ATRN: variants seen among roughly 807,000 people sequenced by gnomAD.
ATRN encodes the protein attractin.
Under a neutral mutation model 178.7 loss-of-function variants are expected in ATRN, and 54 were observed. The ratio of observed to expected loss-of-function variants is 0.30; its 90% CI spans 0.24 to 0.38. ATRN has a LOEUF of 0.38. ATRN is among the 10% of genes least tolerant of loss of function. ATRN has a pLI of 1.00. For missense variants in ATRN, 1,443 were observed against 1,815.1 expected (o/e 0.79, Z 3.73); for synonymous variants, 636 against 663.0 (o/e 0.96, Z 0.63).
chr20:3,570,070 CA>C (rs796676311), intron 11 of ATRN, among the ~76,000 whole-genome samples: 6,089 of 132,304 alleles, frequency 0.046, 134 homozygotes, highest in Non-Finnish European at 0.064. Context: ...GACTCTAACT[CA>C]AAAAAAAAAA....
intron 19 of ATRN, 95 bp from the exon 20 acceptor site, chr20:3,594,384 T>C: frequency 1.1e-6 from 1 of 914,502 alleles, no homozygotes. Context: ...CCTACTGAAC[T>C]CAATTCAGAT....
chr20:3,503,980 CT>C (rs1358392833), intron 1 of ATRN, among the ~76,000 whole-genome samples: 1 of 152,092 alleles, frequency 6.6e-6, no homozygotes, highest in Non-Finnish European at 1.5e-5. Context: ...GATGCATTAC[CT>C]ATAGGGAACA....
chr20:3,632,463 G>T lies in ATRN; in HGVS notation c.3864-1848G>T, dbSNP rs1261856956. ...ACTCCAAACATGCTGGCCTCCTGAGGCTCCCCAAGCCATCCCAGGCACGGC... is the reference window on the plus strand; with the variant it reads ...ACTCCAAACATGCTGGCCTCCTGAGTCTCCCCAAGCCATCCCAGGCACGGC... On this transcript the variant is annotated intron_variant, in intron 25 of 28. Coordinates refer to ENST00000262919, the MANE Select transcript of ATRN (RefSeq NM_139321.3). The surrounding 1 kb of genome is among the most constrained non-coding windows in gnomAD (Gnocchi z 4.2). 6.6e-6 allele frequency among the ~76,000 whole-genome samples: 1 copy of T among 152,074 alleles called. No homozygotes were observed. The highest frequency in any genetic ancestry group is 6.6e-5 in the Admixed American group (1 of 15,262).
chr20:3,624,322 G>A (rs1188399730), intron 24 of ATRN, among the ~76,000 whole-genome samples, 189 bp from the exon 25 acceptor site: 2 of 152,228 alleles, frequency 1.3e-5, no homozygotes, highest in African/African-American at 4.8e-5. Flanking sequence ...AAGCCTCAGT[G>A]TATTGCTATG....
At chr20:3,554,157 T>A (rs1337984407) in intron 6 of ATRN, among the ~76,000 whole-genome samples, 3 of 151,042 alleles carry the variant, frequency 2.0e-5, no homozygotes, top group African/African-American at 7.3e-5. Flanking sequence ...AGATCATAAC[T>A]TTTTTTTTCT....
intron 9 of ATRN, among the ~76,000 whole-genome samples, chr20:3,562,736 G>A (rs2085973143): frequency 6.6e-6 from 1 of 152,172 alleles, no homozygotes; most frequent in African/African-American, 2.4e-5. Context: ...TAATTATAAA[G>A]CGATGGTTTC....
chr20:3,536,202 T>A (rs1025972545), intron 2 of ATRN, among the ~76,000 whole-genome samples: 9 of 151,996 alleles, frequency 5.9e-5, no homozygotes, highest in African/African-American at 2.2e-4. Context: ...TAAGTTTATT[T>A]ATTATTTATT....
At chr20:3,526,188 C>A (rs1176775007) in intron 1 of ATRN, among the ~76,000 whole-genome samples, 2 of 152,144 alleles carry the variant, frequency 1.3e-5, no homozygotes, top group Admixed American at 1.3e-4. Flanking sequence ...AGCTGATAAG[C>A]AACTTCAGCA....
rs780140690 is a variant in ATRN at position 3,547,323 on chromosome 20, G to A, written c.777G>A (p.Glu259=). ...MCPNNCSGRG[E]CKISNSSDTV... ...CAAATAACTGCTCAGGCCGAGGAGAGTGTAAGATCAGTAATAGCAGCGATA... is the reference window on the plus strand; with the variant it reads ...CAAATAACTGCTCAGGCCGAGGAGAATGTAAGATCAGTAATAGCAGCGATA... Residue 259 remains glutamate (E), a synonymous_variant, in exon 5 of 29, where the codon GAG becomes GAA. Coordinates refer to ENST00000262919, the MANE Select transcript of ATRN (RefSeq NM_139321.3). 21 of 1,614,018 alleles carry A rather than the reference G, an allele frequency of 1.3e-5. No individual in the cohort carries two copies. Among genetic ancestry groups the A allele is most frequent in the Non-Finnish European group, 1.6e-5 (19 of 1,180,008 alleles).
At chr20:3,491,404 T>C (rs1018247051) in intron 1 of ATRN, among the ~76,000 whole-genome samples, 1 of 152,204 alleles carries the variant, frequency 6.6e-6, no homozygotes, top group Non-Finnish European at 1.5e-5. Context: ...GTTTCACTGC[T>C]TCCTTTTTGA....
At chr20:3,491,044 T>C in intron 1 of ATRN, 1 of 1,038,342 alleles carries the variant, frequency 9.6e-7, no homozygotes, top group Non-Finnish European at 1.5e-6. Flanking sequence ...ATTTTATGAT[T>C]AGTTGTTTGC....
At chr20:3,542,536 A>C (rs1242741798) in intron 3 of ATRN, among the ~76,000 whole-genome samples, 2 of 150,206 alleles carry the variant, frequency 1.3e-5, no homozygotes, top group African/African-American at 4.9e-5. Flanking sequence ...TGTGATCTAG[A>C]GGAACCCTTC....
At chr20:3,552,838 A>C (rs2085808920) in intron 6 of ATRN, among the ~76,000 whole-genome samples, 1 of 152,164 alleles carries the variant, frequency 6.6e-6, no homozygotes, top group African/African-American at 2.4e-5. Flanking sequence ...CAGTTCCTAG[A>C]GGCCACCCAG....
At chr20:3,497,709 G>A (rs894777145) in intron 1 of ATRN, among the ~76,000 whole-genome samples, 1 of 152,080 alleles carries the variant, frequency 6.6e-6, no homozygotes, top group African/African-American at 2.4e-5. Flanking sequence ...ATGTTGGCCT[G>A]CCTTGCTAGA....
chr20:3,588,912 G>A (rs1600135196), intron 18 of ATRN, among the ~76,000 whole-genome samples: 1 of 145,392 alleles, frequency 6.9e-6, no homozygotes, highest in Non-Finnish European at 1.5e-5. Context: ...TTGGTAATCT[G>A]TTTTTCTAGG....
intron 15 of ATRN, among the ~76,000 whole-genome samples, chr20:3,581,042 G>C (rs2086276193): frequency 6.6e-6 from 1 of 152,096 alleles, no homozygotes; most frequent in Admixed American, 6.5e-5. Flanking sequence ...AGGAGTTCAA[G>C]ACTAGCCTGG....
intron 2 of ATRN, among the ~76,000 whole-genome samples, chr20:3,539,700 T>C (rs1040938004): frequency 6.6e-6 from 1 of 152,112 alleles, no homozygotes; most frequent in Non-Finnish European, 1.5e-5. Context: ...TGGTGTGGTA[T>C]AGAAGTTTGG....
chr20:3,607,685 T>TA (rs2086694247), intron 24 of ATRN, among the ~76,000 whole-genome samples: 1 of 152,236 alleles, frequency 6.6e-6, no homozygotes. Flanking sequence ...GATAAACATT[T>TA]AGAGCATGCA....
At position 3,609,464 on chromosome 20, in the gene ATRN, C is replaced by T. The variant is rs539674378; in HGVS notation, c.3801+5202C>T. ...TTTTCTGTATATAAGATTATATCAA[C>T]TGCAAATAGGGACACTTTGACTTCC... On this transcript the variant is annotated intron_variant, in intron 24 of 28. Transcript: ENST00000262919. Among the ~76,000 whole-genome samples the T allele has an allele frequency of 3.3e-5, 5 of 152,254 alleles. No homozygotes were observed. In the South Asian group the frequency reaches 1.0e-3, roughly 32 times the overall value.
Sources: gnomAD v4.1 joint callset for allele counts (sites outside exome capture counted in the v4.1 genomes callset) on GRCh38, gnomAD v4.1.1 for gene constraint, Gnocchi (gnomAD v3.1) non-coding constraint, MANE v1.5 for transcripts, NCBI Gene and HGNC (gene_info 2026-07-23, HGNC 2026-07-21) for gene names.